Variants in CTNNA2 observed in about 807,000 individuals in gnomAD.
The protein encoded by CTNNA2 is catenin alpha-2.
Under a neutral mutation model 101.0 loss-of-function variants are expected in CTNNA2, and 42 were observed. That is an observed-to-expected ratio of 0.42 (90% CI 0.32 to 0.54). The LOEUF (loss-of-function observed/expected upper bound fraction) is 0.54, where lower values mean the gene tolerates loss of function less well. Among genes scored for constraint, CTNNA2 ranks in the 20% least tolerant of loss-of-function variants. CTNNA2 has a pLI of 0.14. For missense variants in CTNNA2, 871 were observed against 1,223.1 expected (o/e 0.71, Z 4.29); for synonymous variants, 450 against 456.4 (o/e 0.99, Z 0.18).
intron 15 of CTNNA2, among the ~76,000 whole-genome samples, chr2:80,598,279 A>G (rs1697161180): frequency 6.6e-6 from 1 of 152,118 alleles, no homozygotes; most frequent in Non-Finnish European, 1.5e-5. Context: ...AGGGAGGGGA[A>G]CAACACACAC....
chr2:80,571,884 TTTC>T (rs776585024), intron 12 of CTNNA2, among the ~76,000 whole-genome samples: 14 of 152,246 alleles, frequency 9.2e-5, no homozygotes, highest in Non-Finnish European at 2.1e-4. Context: ...TTTGTATAAT[TTTC>T]TTCTTAACTC....
intron 1 of CTNNA2, among the ~76,000 whole-genome samples, chr2:79,622,300 T>C (rs770445794): frequency 6.8e-4 from 103 of 152,278 alleles, no homozygotes; most frequent in Non-Finnish European, 5.9e-5. Context: ...AAAATCCCCC[T>C]CTATATTTCT....
intron 7 of CTNNA2, among the ~76,000 whole-genome samples, chr2:80,060,799 TCACC>T (rs1297107783): frequency 6.6e-6 from 1 of 152,158 alleles, no homozygotes; most frequent in Non-Finnish European, 1.5e-5. Context: ...GCCAAGGCAC[TCACC>T]CACCAGCTGT....
At chr2:79,868,328 C>A (rs940444989) in intron 4 of CTNNA2, among the ~76,000 whole-genome samples, 11 of 152,176 alleles carry the variant, frequency 7.2e-5, no homozygotes, top group Admixed American at 3.9e-4. Context: ...ACCCCTGCCA[C>A]CAGTATCATT....
chr2:80,379,068 C>G (rs536072547), intron 7 of CTNNA2, among the ~76,000 whole-genome samples: 2 of 151,838 alleles, frequency 1.3e-5, no homozygotes, highest in African/African-American at 4.8e-5. Context: ...TACAAGGGAA[C>G]GGAAAGGTTG....
At chr2:79,226,351 C>T (rs192817067) in intron 2 of CTNNA2, among the ~76,000 whole-genome samples, 4 of 152,206 alleles carry the variant, frequency 2.6e-5, no homozygotes, top group Admixed American at 2.6e-4. Flanking sequence ...AGCAATAGAG[C>T]CCACCCCATA....
intron 7 of CTNNA2, among the ~76,000 whole-genome samples, chr2:80,085,502 A>G (rs1376766055): frequency 6.6e-6 from 1 of 152,090 alleles, no homozygotes; most frequent in Non-Finnish European, 1.5e-5. Context: ...AATTATGGGG[A>G]AAAAAATAAG....
At chr2:79,845,792 C>T (rs1342069571) in intron 3 of CTNNA2, among the ~76,000 whole-genome samples, 2 of 152,144 alleles carry the variant, frequency 1.3e-5, no homozygotes, top group African/African-American at 4.8e-5. Context: ...GATCTTCTTG[C>T]TGCACAAATA....
intron 7 of CTNNA2, among the ~76,000 whole-genome samples, chr2:80,033,905 T>C (rs567146097): frequency 1.3e-5 from 2 of 149,398 alleles, no homozygotes; most frequent in East Asian, 3.9e-4. Flanking sequence ...AAACATAAAA[T>C]TACTGTTGGA....
At chr2:80,634,365 A>G (rs988032949) in intron 18 of CTNNA2, among the ~76,000 whole-genome samples, 1 of 152,160 alleles carries the variant, frequency 6.6e-6, no homozygotes, top group South Asian at 2.1e-4. Context: ...CCTTACAGGT[A>G]TCTCAGGTGG....
intron 2 of CTNNA2, among the ~76,000 whole-genome samples, chr2:79,708,473 G>T (rs1685528310): frequency 6.6e-6 from 1 of 152,020 alleles, no homozygotes; most frequent in South Asian, 2.1e-4. Context: ...TTCACACCCT[G>T]TTCAGCCACT....
chr2:80,045,323 T>A (rs1470427768), intron 7 of CTNNA2, among the ~76,000 whole-genome samples: 1 of 152,230 alleles, frequency 6.6e-6, no homozygotes, highest in East Asian at 1.9e-4. Flanking sequence ...AAACTACCAT[T>A]GTCTCATCTT....
intron 2 of CTNNA2, among the ~76,000 whole-genome samples, chr2:79,246,493 T>C (rs1674701523): frequency 6.6e-6 from 1 of 152,232 alleles, no homozygotes; most frequent in Non-Finnish European, 1.5e-5. Flanking sequence ...CCACAGGAAT[T>C]AGCTGTCAGT....
chr2:79,366,370 A>G (rs746069082), intron 3 of CTNNA2, among the ~76,000 whole-genome samples: 1 of 152,242 alleles, frequency 6.6e-6, no homozygotes, highest in East Asian at 1.9e-4. Flanking sequence ...TTTCTTCCTT[A>G]TATTAGGAAC....
intron 1 of CTNNA2, among the ~76,000 whole-genome samples, chr2:79,557,686 G>A (rs1674530226): frequency 6.6e-6 from 1 of 151,746 alleles, no homozygotes; most frequent in South Asian, 2.1e-4. Context: ...GCTTATGGTG[G>A]CATAATCCAT....
chr2:79,238,535 C>G (rs546415476), intron 2 of CTNNA2, among the ~76,000 whole-genome samples: 1 of 152,086 alleles, frequency 6.6e-6, no homozygotes, highest in Non-Finnish European at 1.5e-5. Context: ...TTGCCATAAG[C>G]ATTCAATTTG....
At chr2:80,110,144 T>G (rs1701127621) in intron 7 of CTNNA2, among the ~76,000 whole-genome samples, 1 of 152,096 alleles carries the variant, frequency 6.6e-6, no homozygotes, top group Non-Finnish European at 1.5e-5. Flanking sequence ...TATTGAATAG[T>G]GAAAGAGCTA....
intron 7 of CTNNA2, among the ~76,000 whole-genome samples, chr2:80,340,619 C>G (rs1162507187): frequency 6.6e-6 from 1 of 152,138 alleles, no homozygotes; most frequent in African/African-American, 2.4e-5. Context: ...ATCAAGGTTT[C>G]CAGACCACAG....
intron 9 of CTNNA2, among the ~76,000 whole-genome samples, chr2:80,506,295 G>A (rs1286189980): frequency 3.3e-5 from 5 of 152,166 alleles, no homozygotes; most frequent in Non-Finnish European, 7.3e-5. Context: ...ATTGGTAGAA[G>A]TGAGATAAAA....
Sources: gnomAD v4.1 joint callset for allele counts (sites outside exome capture counted in the v4.1 genomes callset) on GRCh38, gnomAD v4.1.1 for gene constraint, MANE v1.5 for transcripts, NCBI Gene and HGNC (gene_info 2026-07-23, HGNC 2026-07-21) for gene names.